Variants in SCUBE1 observed in about 807,000 individuals in gnomAD.
SCUBE1 encodes the protein signal peptide, CUB and EGF-like domain-containing protein 1.
In SCUBE1, 59 loss-of-function variants were observed where a neutral mutation model predicts 124.4. The observed-to-expected ratio is 0.47, with a 90% CI of 0.38 to 0.59. SCUBE1 has a LOEUF of 0.59. SCUBE1 is among the 20% of genes least tolerant of loss of function. SCUBE1 has a pLI of 0.00. For missense variants in SCUBE1, 1,150 were observed against 1,371.2 expected (o/e 0.84, Z 2.55); for synonymous variants, 545 against 550.9 (o/e 0.99, Z 0.15).
intron 9 of SCUBE1, among the ~76,000 whole-genome samples, chr22:43,228,347 G>A (rs1922409803): frequency 6.6e-6 from 1 of 152,176 alleles, no homozygotes. Flanking sequence ...CTCCAGCAGT[G>A]CATGCTCCCA....
intron 3 of SCUBE1, among the ~76,000 whole-genome samples, chr22:43,292,341 G>A (rs958091572): frequency 6.6e-6 from 1 of 152,128 alleles, no homozygotes; most frequent in Non-Finnish European, 1.5e-5. Flanking sequence ...GGGCGCTATT[G>A]GCTGAAAACA....
At chr22:43,227,563 C>T in intron 9 of SCUBE1, 67 bp from the exon 10 acceptor site, 2 of 1,580,280 alleles carry the variant, frequency 1.3e-6, no homozygotes, top group Non-Finnish European at 1.7e-6. Flanking sequence ...GGGAAGGGAC[C>T]ACCCAGGGCA....
intron 10 of SCUBE1, among the ~76,000 whole-genome samples, chr22:43,226,514 C>T (rs558225951): frequency 2.0e-4 from 30 of 151,888 alleles, no homozygotes; most frequent in Middle Eastern, 6.8e-3. Context: ...TGGCGTGAAG[C>T]GAGGGAGACA....
At chr22:43,331,591 T>C (rs1926904958) in intron 2 of SCUBE1, among the ~76,000 whole-genome samples, 2 of 152,224 alleles carry the variant, frequency 1.3e-5, no homozygotes, top group South Asian at 4.1e-4. Flanking sequence ...GTTTGGGGCC[T>C]GGTCCTGATT....
Position 43,255,394 on chromosome 22 carries a change from C to T in SCUBE1, c.727+2825G>A, listed in dbSNP as rs1035061539. The T allele has an allele frequency of 1.0e-5, 11 of 1,081,042 alleles. No individual in the cohort carries two copies. The African/African-American group carries it at 1.4e-4, about 14-fold the overall frequency. The allele number at this position is 1,081,042 out of a possible 1,614,324, so 67.0% of individuals were successfully genotyped here. ...CACACCCACACACAGCACACACACG[C>T]CCATGTCCACATGCCAGTGCGCACC... On this transcript the variant is annotated intron_variant, in intron 6 of 21. Coordinates refer to ENST00000360835, the MANE Select transcript of SCUBE1 (RefSeq NM_173050.5). The surrounding 1 kb of genome is among the most constrained non-coding windows in gnomAD (Gnocchi z 4.7).
intron 3 of SCUBE1, 38 bp from the exon 4 acceptor site, chr22:43,291,218 C>G (rs1252149193): frequency 3.1e-6 from 5 of 1,589,240 alleles, no homozygotes; most frequent in South Asian, 2.2e-5. Flanking sequence ...AGAGATCACA[C>G]CTAAGTTGGA....
At chr22:43,282,982 C>T (rs5759255) in intron 4 of SCUBE1, 64,314 of 151,878 alleles carry the variant, frequency 0.42, 15,047 homozygotes, top group East Asian at 0.97. Context: ...AGGCGTGAGC[C>T]ACGACACCCA....
chr22:43,246,014 G>T (rs545198843), intron 6 of SCUBE1, among the ~76,000 whole-genome samples: 1 of 152,194 alleles, frequency 6.6e-6, no homozygotes, highest in African/African-American at 2.4e-5. Flanking sequence ...GGGGCTGCAG[G>T]GAGGCCTGAG....
chr22:43,332,635 T>C (rs1926939940), intron 2 of SCUBE1, among the ~76,000 whole-genome samples: 1 of 152,138 alleles, frequency 6.6e-6, no homozygotes, highest in Non-Finnish European at 1.5e-5. Context: ...TGGACCCAGT[T>C]TCCCCAGGCG....
chr22:43,230,217 T>C (rs1272521099), intron 8 of SCUBE1, among the ~76,000 whole-genome samples: 1 of 152,020 alleles, frequency 6.6e-6, no homozygotes, highest in Non-Finnish European at 1.5e-5. Flanking sequence ...GGTAAGAGCA[T>C]GGGGTGCCCA....
At position 43,280,240 on chromosome 22, in the gene SCUBE1, A is replaced by G. The variant is rs115084492; in HGVS notation, c.484+10806T>C. Among the ~76,000 whole-genome samples the G allele has an allele frequency of 3.9e-3, 595 of 152,150 alleles. 5 individuals are homozygous for G. Among genetic ancestry groups the G allele is most frequent in the African/African-American group, 0.014 (575 of 41,500 alleles). ...TCCAGCGTTCTGCGCTACGAAGAGA[A>G]CAAGGCCCCACCTTGTCCAGAGCCA... is the stretch of plus-strand genomic sequence containing the variant. On this transcript the variant is annotated intron_variant, in intron 4 of 21. Coordinates refer to ENST00000360835, the MANE Select transcript of SCUBE1 (RefSeq NM_173050.5).
In SCUBE1 at chr22:43,198,878, G is replaced by A. The variant is rs1920962260; in HGVS notation, c.*5119C>T. 2.6e-6 allele frequency: 1 copy of A among 385,136 alleles called. No individual in the cohort carries two copies. The highest frequency in any genetic ancestry group is 5.2e-6 in the Non-Finnish European group (1 of 193,644). The allele number at this position is 385,136 out of a possible 1,614,324, so 23.9% of individuals were successfully genotyped here. ...TGTGTCTGTCTGTCTGCTGTCTGGG[G>A]CAGTTTGCTGTCTGCTTTCCGGGGC... On this transcript the variant is annotated 3_prime_UTR_variant, in exon 22 of 22. Transcript: ENST00000360835.
At chr22:43,288,089 C>T (rs1250570969) in intron 4 of SCUBE1, among the ~76,000 whole-genome samples, 1 of 152,120 alleles carries the variant, frequency 6.6e-6, no homozygotes, top group Non-Finnish European at 1.5e-5. Flanking sequence ...TTTCATTGCC[C>T]AGATCAAAAA....
chr22:43,333,110 C>A (rs1003576250), intron 2 of SCUBE1, among the ~76,000 whole-genome samples: 8 of 152,160 alleles, frequency 5.3e-5, no homozygotes, highest in African/African-American at 1.9e-4. Flanking sequence ...TGTGTATGGA[C>A]CTGGGGTGAG....
rs551898901 is a variant in SCUBE1 at position 43,237,186 on chromosome 22, T to A, written c.844+1652A>T. ...CCTACCCTCAGAGCCAGAACCAGAG[T>A]GGGAGGAAACGAGTGTCCCTTGGGC... is the stretch of plus-strand genomic sequence containing the variant. On this transcript the variant is annotated intron_variant, in intron 7 of 21. Transcript: ENST00000360835. Among the ~76,000 whole-genome samples the A allele has an allele frequency of 3.4e-4, 51 of 151,954 alleles. No individual in the cohort carries two copies. In the South Asian group the frequency reaches 4.6e-3, roughly 14 times the overall value.
chr22:43,227,609 C>T, intron 9 of SCUBE1, 113 bp from the exon 10 acceptor site: 3 of 1,374,846 alleles, frequency 2.2e-6, no homozygotes, highest in Non-Finnish European at 3.0e-6. Flanking sequence ...CCGAGTCGGA[C>T]AGCATCACGG....
Position 43,320,077 on chromosome 22 carries a change from A to C in SCUBE1, c.221-12T>G. The C allele has an allele frequency of 6.2e-7, 1 of 1,613,498 alleles. No individual in the cohort carries two copies. Among genetic ancestry groups the C allele is most frequent in the Non-Finnish European group, 8.5e-7 (1 of 1,179,594 alleles). ...ACACTCGTCAATGTCTGCAAAAGGA[A>C]GGGCATGAGAGGTGTCAGAAGAAGA... On this transcript the variant is annotated splice_polypyrimidine_tract_variant and intron_variant, in intron 2 of 21. Coordinates refer to ENST00000360835, the MANE Select transcript of SCUBE1 (RefSeq NM_173050.5).
chr22:43,206,811 GGA>G (rs1160000923), intron 21 of SCUBE1, among the ~76,000 whole-genome samples: 3 of 152,142 alleles, frequency 2.0e-5, no homozygotes, highest in African/African-American at 7.2e-5. Context: ...GAGATTGCGG[GGA>G]GAGAGCCCAG....
In SCUBE1 at chr22:43,255,666, C is replaced by T. The variant is rs537381482; in HGVS notation, c.727+2553G>A. On this transcript the variant is annotated intron_variant, in intron 6 of 21. Transcript: ENST00000360835. This position sits in a 1 kb window ranked among gnomAD's most constrained non-coding sequence, Gnocchi z 4.7. ...CAAGACAGTCAGCCTCTCGGCGTGGCGCACGCAAAGCCAACACAACACGCC... is the reference window on the plus strand; with the variant it reads ...CAAGACAGTCAGCCTCTCGGCGTGGTGCACGCAAAGCCAACACAACACGCC... 32 of 1,164,264 alleles carry T rather than the reference C, an allele frequency of 2.7e-5. No homozygotes were observed. Among genetic ancestry groups the T allele is most frequent in the South Asian group, 7.9e-5 (6 of 76,146 alleles). The allele number at this position is 1,164,264 out of a possible 1,614,324, so 72.1% of individuals were successfully genotyped here. A position where few individuals can be genotyped will look rare whatever the true frequency, so the allele number is the denominator to read the frequency against.
Sources: gnomAD v4.1 joint callset for allele counts (sites outside exome capture counted in the v4.1 genomes callset) on GRCh38, gnomAD v4.1.1 for gene constraint, Gnocchi (gnomAD v3.1) non-coding constraint, MANE v1.5 for transcripts, NCBI Gene and HGNC (gene_info 2026-07-23, HGNC 2026-07-21) for gene names.